Variants in CCR5AS observed in about 807,000 individuals in gnomAD.
CCR5AS encodes CCR5 antisense RNA.
At chr3:46,365,897 T>C (rs991311804) in intron 3 of CCR5AS, among the ~76,000 whole-genome samples, 7 of 152,148 alleles carry the variant, frequency 4.6e-5, no homozygotes, top group Non-Finnish European at 1.0e-4. Context: ...TCTACCCCTA[T>C]TAACTCTCTC....
chr3:46,394,428 T>A (rs1200152470), intron 1 of CCR5AS, among the ~76,000 whole-genome samples: 2 of 151,210 alleles, frequency 1.3e-5, no homozygotes, highest in Admixed American at 6.6e-5. Context: ...CACAGGAGAG[T>A]CAGGCTGTCC....
intron 2 of CCR5AS, among the ~76,000 whole-genome samples, chr3:46,385,402 G>C (rs1701852149): frequency 6.6e-6 from 1 of 152,196 alleles, no homozygotes; most frequent in East Asian, 1.9e-4. Flanking sequence ...ATAAGAACCT[G>C]AGAACCAGGG....
intron 1 of CCR5AS, among the ~76,000 whole-genome samples, chr3:46,403,879 C>T (rs1391556230): frequency 6.6e-6 from 1 of 152,210 alleles, no homozygotes; most frequent in Non-Finnish European, 1.5e-5. Flanking sequence ...CTCCACCCAG[C>T]ACTGGCAAAT....
At chr3:46,382,460 G>A (rs904290933) in intron 2 of CCR5AS, among the ~76,000 whole-genome samples, 19 of 152,070 alleles carry the variant, frequency 1.2e-4, no homozygotes, top group Non-Finnish European at 2.6e-4. Context: ...TTACACTTCC[G>A]CTCTTAAACT....
chr3:46,403,555 A>T (rs987270979), intron 1 of CCR5AS, among the ~76,000 whole-genome samples: 15 of 152,342 alleles, frequency 9.8e-5, no homozygotes, highest in East Asian at 9.6e-4. Context: ...CACAGCAGCC[A>T]AGGAAGGGGC....
intron 2 of CCR5AS, chr3:46,372,864 TA>T (rs1283389604): frequency 1.3e-6 from 2 of 1,492,858 alleles, no homozygotes; most frequent in South Asian, 1.3e-5. Context: ...TAGGACTTTA[TA>T]AAAGATCACT....
chr3:46,397,052 T>TA (rs1701966501), intron 1 of CCR5AS, among the ~76,000 whole-genome samples: 1 of 152,114 alleles, frequency 6.6e-6, no homozygotes, highest in South Asian at 2.1e-4. Flanking sequence ...AAGCAGACAT[T>TA]AGGAGGAAAG....
At chr3:46,384,878 T>C (rs199818425) in intron 2 of CCR5AS, among the ~76,000 whole-genome samples, 1 of 150,598 alleles carries the variant, frequency 6.6e-6, no homozygotes, top group Admixed American at 6.6e-5. Flanking sequence ...GATAGATAGA[T>C]AGATAGATAG....
rs1485016795 is a variant in CCR5AS, at chr3:46,378,490, AAG to A, written n.392-7075_392-7074del. On this transcript the variant is annotated intron_variant and non_coding_transcript_variant, in intron 2 of 3. Transcript: ENST00000451485. ...ACTAGTTTTTTTAAAGCATTCATGG[AAG>A]AGTGTGAATCTTTTACAAGCTAGGA... is the stretch of plus-strand genomic sequence containing the variant. 2.6e-5 allele frequency among the ~76,000 whole-genome samples: 4 copies of A among 152,066 alleles called. No individual in the cohort carries two copies. The East Asian group carries it at 7.8e-4, about 29-fold the overall frequency.
chr3:46,379,385 C>A (rs947019831), intron 2 of CCR5AS, among the ~76,000 whole-genome samples: 1 of 152,088 alleles, frequency 6.6e-6, no homozygotes, highest in Non-Finnish European at 1.5e-5. Flanking sequence ...AAATGTCCAA[C>A]AATGATAGAC....
chr3:46,394,068 C>T (rs1430512959), intron 1 of CCR5AS, among the ~76,000 whole-genome samples: 1 of 152,312 alleles, frequency 6.6e-6, no homozygotes, highest in Non-Finnish European at 1.5e-5. Context: ...GTTACTAATT[C>T]CAGCGTTTCA....
At chr3:46,375,900 A>C (rs1224618775) in intron 2 of CCR5AS, 1 of 167,012 alleles carries the variant, frequency 6.0e-6, no homozygotes, top group African/African-American at 2.4e-5. Context: ...AGGTAAGGTG[A>C]GGGAATAGTA....
chr3:46,383,134 C>T (rs1187473865), intron 2 of CCR5AS, among the ~76,000 whole-genome samples: 2 of 152,192 alleles, frequency 1.3e-5, no homozygotes, highest in Non-Finnish European at 2.9e-5. Context: ...AAGCACTGGC[C>T]GACCAGAGTC....
chr3:46,398,071 C>G lies in CCR5AS; in HGVS notation n.164-5019G>C, dbSNP rs1214651845. Among the ~76,000 whole-genome samples the G allele has an allele frequency of 2.0e-5, 3 of 152,174 alleles. No individual in the cohort carries two copies. The South Asian group carries it at 6.2e-4, about 31-fold the overall frequency. The stretch of plus-strand genomic sequence containing the variant: ...AAAAGGGGGACTAGAAGAAATTCAC[C>G]CACAGGCAGAGGAAAACACAAACAC... On this transcript the variant is annotated intron_variant and non_coding_transcript_variant, in intron 1 of 3. Transcript: ENST00000451485.
intron 3 of CCR5AS, among the ~76,000 whole-genome samples, chr3:46,366,995 C>T (rs576587548): frequency 2.6e-5 from 4 of 152,110 alleles, no homozygotes; most frequent in South Asian, 2.1e-4. Flanking sequence ...TACTGAACAA[C>T]GGGAAGAGCC....
chr3:46,376,892 A>G (rs1331137358), intron 2 of CCR5AS, among the ~76,000 whole-genome samples: 1 of 152,090 alleles, frequency 6.6e-6, no homozygotes, highest in Admixed American at 6.5e-5. Flanking sequence ...CCGTGGTCCT[A>G]TTTGGAGGTG....
At chr3:46,387,601 T>C (rs1322508086) in intron 2 of CCR5AS, among the ~76,000 whole-genome samples, 1 of 151,982 alleles carries the variant, frequency 6.6e-6, no homozygotes, top group East Asian at 1.9e-4. Flanking sequence ...ATACAAAAAT[T>C]AACTGGGGGT....
intron 1 of CCR5AS, among the ~76,000 whole-genome samples, chr3:46,402,743 G>A (rs1485598719): frequency 6.6e-6 from 1 of 151,930 alleles, no homozygotes; most frequent in Non-Finnish European, 1.5e-5. Context: ...ATAATTTTTT[G>A]AACTTTTATT....
chr3:46,389,912 T>C (rs1168765301), intron 2 of CCR5AS, among the ~76,000 whole-genome samples: 1 of 151,908 alleles, frequency 6.6e-6, no homozygotes, highest in Admixed American at 6.5e-5. Flanking sequence ...TATACCAAGA[T>C]AGGTAATGCT....
Sources: gnomAD v4.1 joint callset for allele counts (sites outside exome capture counted in the v4.1 genomes callset) on GRCh38, gnomAD v4.1.1 for gene constraint, MANE v1.5 for transcripts, NCBI Gene and HGNC (gene_info 2026-07-23, HGNC 2026-07-21) for gene names.